Variants in DNTT observed in about 807,000 individuals in gnomAD.
DNTT encodes the protein nucleosidetriphosphate:DNA deoxynucleotidylexotransferase.
A neutral mutation model predicts 60.9 loss-of-function variants in DNTT; 47 were observed. The ratio of observed to expected loss-of-function variants is 0.77; its 90% CI spans 0.61 to 0.98. The LOEUF is 0.98. DNTT is among the 50% of genes least tolerant of loss of function. The pLI, the probability that DNTT is intolerant of heterozygous loss-of-function variation, is 0.00. For synonymous variants in DNTT, 224 were observed against 221.2 expected (o/e 1.01, Z -0.11); for missense variants, 665 against 627.5 (o/e 1.06, Z -0.64).
At chr10:96,306,045 T>G (rs565118204) in intron 1 of DNTT, among the ~76,000 whole-genome samples, 1 of 152,186 alleles carries the variant, frequency 6.6e-6, no homozygotes, top group South Asian at 2.1e-4. Context: ...AAGGCTAGAG[T>G]TGGAGAAGAC....
At chr10:96,307,705 G>GTATA (rs1203030676) in intron 1 of DNTT, among the ~76,000 whole-genome samples, 5 of 52,882 alleles carry the variant, frequency 9.5e-5, no homozygotes, top group African/African-American at 3.3e-4. Flanking sequence ...GTGTGTGTGT[G>GTATA]TATATATATA....
rs1295636168 is a variant in DNTT at position 96,320,615 on chromosome 10, C to A, written c.508-3C>A. ...CTCCTGCTTATCTGGTTTTATCCTG[C>A]AGGATGCCTTTGATATACTGGCTGA... is the stretch of plus-strand genomic sequence containing the variant. On this transcript the variant is annotated splice_region_variant and splice_polypyrimidine_tract_variant and intron_variant, in intron 3 of 10. Transcript: ENST00000371174. 3.1e-6 allele frequency: 5 copies of A among 1,613,196 alleles called. No homozygotes were observed. The African/African-American group carries it at 6.7e-5, about 22-fold the overall frequency.
intron 7 of DNTT, 147 bp downstream of exon 7, chr10:96,327,747 C>T: frequency 1.5e-6 from 2 of 1,315,530 alleles, no homozygotes; most frequent in African/African-American, 1.5e-5. Flanking sequence ...CATTTCATTT[C>T]AGCAACCCCA....
At position 96,324,313 on chromosome 10, in the gene DNTT, GTTCAGGATGGGT is replaced by G; in HGVS notation, c.804_815del (p.Met269_Arg272del). On this transcript the variant is annotated inframe_deletion, in exon 6 of 11. Transcript: ENST00000371174. ...TGGGGCTGAAGACTTCTGAGAAGTG[GTTCAGGATGGGT>G]TTCAGAACTCTGAGTAAAGTAAGGT... is the stretch of plus-strand genomic sequence containing the variant. 1 of 1,613,716 alleles carries G rather than the reference GTTCAGGATGGGT, an allele frequency of 6.2e-7. No homozygotes were observed. The highest frequency in any genetic ancestry group is 1.3e-5 in the African/African-American group (1 of 75,002).
intron 3 of DNTT, 95 bp downstream of exon 3, chr10:96,319,485 T>C (rs1844840047): frequency 6.4e-7 from 1 of 1,564,492 alleles, no homozygotes; most frequent in Admixed American, 1.8e-5. Flanking sequence ...TCTGAAAACC[T>C]GGGAAAGTTT....
intron 3 of DNTT, 109 bp downstream of exon 3, chr10:96,319,499 TC>T: frequency 6.7e-7 from 1 of 1,498,832 alleles, no homozygotes; most frequent in Non-Finnish European, 9.1e-7. Flanking sequence ...AAAGTTTTCC[TC>T]CCACCTACCT....
At chr10:96,335,028 A>G (rs949525497) in intron 9 of DNTT, among the ~76,000 whole-genome samples, 22 of 152,318 alleles carry the variant, frequency 1.4e-4, no homozygotes, top group Middle Eastern at 3.4e-3. Flanking sequence ...TTCTGATTGC[A>G]AAGTCCATCT....
chr10:96,328,641 T>G, intron 7 of DNTT, 84 bp from the exon 8 acceptor site: 3 of 1,354,202 alleles, frequency 2.2e-6, no homozygotes, highest in Admixed American at 2.1e-5. Flanking sequence ...ATCTTAAGCA[T>G]AGGGCATAGA....
chr10:96,309,610 T>TTATCCCAAACCATCC (rs1844685639), intron 1 of DNTT, among the ~76,000 whole-genome samples: 1 of 152,222 alleles, frequency 6.6e-6, no homozygotes, highest in Non-Finnish European at 1.5e-5. Context: ...TCTGTCTCAC[T>TTATCCCAAACCATCC]CATTATCCCA....
intron 1 of DNTT, among the ~76,000 whole-genome samples, chr10:96,311,887 G>A (rs957318013): frequency 5.3e-5 from 8 of 152,168 alleles, no homozygotes; most frequent in East Asian, 1.9e-4. Flanking sequence ...CAAGTGATTC[G>A]CCCACCTGGG....
chr10:96,318,244 G>A (rs11188710), intron 1 of DNTT, 108 bp from the exon 2 acceptor site: 1,177,713 of 1,317,318 alleles, frequency 0.89, 541,380 homozygotes, highest in Non-Finnish European at 0.95. Flanking sequence ...GTTAGGTCTA[G>A]CATGTGTCTT....
In DNTT at chr10:96,304,477, A is replaced by G; in HGVS notation, c.-21A>G. 1 of 1,612,772 alleles carries G rather than the reference A, an allele frequency of 6.2e-7. No individual in the cohort carries two copies. The highest frequency in any genetic ancestry group is 8.5e-7 in the Non-Finnish European group (1 of 1,179,926). ...AGACACCACCAGATGGGCCAGCCAG[A>G]GGCAGCAGCAGCCTCTTCCCATGGA... On this transcript the variant is annotated 5_prime_UTR_variant, in exon 1 of 11. Coordinates refer to ENST00000371174, the MANE Select transcript of DNTT (RefSeq NM_004088.4).
intron 9 of DNTT, 67 bp from the exon 10 acceptor site, chr10:96,335,824 T>A: frequency 6.5e-7 from 1 of 1,537,222 alleles, no homozygotes; most frequent in Non-Finnish European, 9.0e-7. Context: ...ACTAGAGGGA[T>A]GTAGCCACCT....
Position 96,332,559 on chromosome 10 carries a change from G to A in DNTT, c.1322G>A (p.Arg441His), listed in dbSNP as rs373514567. 5.0e-5 allele frequency: 81 copies of A among 1,614,022 alleles called. No homozygotes were observed. In the African/African-American group the frequency reaches 8.0e-4, roughly 16 times the overall value. ...GATTTAGTTCTGTGCCCCTACGAGC[G>A]TCGTGCCTTTGCCCTGTTGGGATGG... ...RVDLVLCPYE[R>H]RAFALLGWTG... Residue 441 changes from arginine (R) to histidine (H), a missense_variant, in exon 9 of 11, where the codon CGT (arginine) becomes CAT (histidine). Coordinates refer to ENST00000371174, the MANE Select transcript of DNTT (RefSeq NM_004088.4).
intron 2 of DNTT, among the ~76,000 whole-genome samples, chr10:96,318,800 C>T (rs527681838): frequency 3.9e-5 from 6 of 152,242 alleles, no homozygotes; most frequent in East Asian, 1.9e-4. Flanking sequence ...AACGAGTGGT[C>T]GCTATTTTCC....
intron 3 of DNTT, 89 bp from the exon 4 acceptor site, chr10:96,320,529 A>G: frequency 6.8e-7 from 1 of 1,468,060 alleles, no homozygotes; most frequent in Non-Finnish European, 9.3e-7. Flanking sequence ...GTATTCCAAT[A>G]TTTAAAGGAG....
In DNTT at chr10:96,323,501, G is replaced by A. The variant is rs192690100; in HGVS notation, c.751-765G>A. On this transcript the variant is annotated intron_variant, in intron 5 of 10. Coordinates refer to ENST00000371174, the MANE Select transcript of DNTT (RefSeq NM_004088.4). ...GTGCCCAGATTATTGCCATGCTGTC[G>A]TGATGTACAAATTGCCTTACCCTCC... is the stretch of plus-strand genomic sequence containing the variant. Among the ~76,000 whole-genome samples, 71 of 152,220 alleles carry A rather than the reference G, an allele frequency of 4.7e-4. 1 individual carries two copies. In the Middle Eastern group the frequency reaches 0.01, roughly 22 times the overall value.
chr10:96,327,369 A>G lies in DNTT; in HGVS notation c.875-99A>G, dbSNP rs1256877882. ...GAGTTTGGTGTTGATGCCTGTAGTCATGTTAGCTCTATCGTGGGGACAGAA... is the reference window on the plus strand; with the variant it reads ...GAGTTTGGTGTTGATGCCTGTAGTCGTGTTAGCTCTATCGTGGGGACAGAA... On this transcript the variant is annotated intron_variant, in intron 6 of 10. Coordinates refer to ENST00000371174, the MANE Select transcript of DNTT (RefSeq NM_004088.4). The G allele has an allele frequency of 4.5e-6, 7 of 1,553,260 alleles. No individual in the cohort carries two copies. In the African/African-American group the frequency reaches 6.8e-5, roughly 15 times the overall value.
At chr10:96,311,876 T>C (rs150099712) in intron 1 of DNTT, among the ~76,000 whole-genome samples, 1,581 of 152,294 alleles carry the variant, frequency 0.01, 42 homozygotes, top group African/African-American at 0.036. Flanking sequence ...ACTCTTGACC[T>C]CAAGTGATTC....
Sources: allele counts gnomAD v4.1 joint callset (sites outside exome capture counted in the v4.1 genomes callset), GRCh38; gene constraint gnomAD v4.1.1; transcripts MANE v1.5; gene names NCBI Gene and HGNC (gene_info 2026-07-23, HGNC 2026-07-21).